Variants in RALGDS observed in about 807,000 individuals in gnomAD.
RALGDS encodes ral guanine nucleotide dissociation stimulator.
In RALGDS, 44 loss-of-function variants were observed where a neutral mutation model predicts 99.8. The ratio of observed to expected loss-of-function variants is 0.44; its 90% CI spans 0.35 to 0.57. The LOEUF (loss-of-function observed/expected upper bound fraction) is 0.57. RALGDS is among the 20% of genes least tolerant of loss of function. The probability of loss-of-function intolerance (pLI) is 0.01; values close to 1 mark genes in which losing one functional copy is unlikely to be tolerated. For missense variants in RALGDS, 1,022 were observed against 1,203.1 expected (o/e 0.85, Z 2.23); for synonymous variants, 529 against 505.0 (o/e 1.05, Z -0.64).
rs1473621060 is a variant in RALGDS, at chr9:133,108,313, G to A, written c.872C>T (p.Pro291Leu). The A allele has an allele frequency of 9.7e-6, 15 of 1,547,470 alleles. No individual in the cohort carries two copies. The highest frequency in any genetic ancestry group is 2.0e-5 in the Admixed American group (1 of 51,144). The change falls in exon 6 of 18, where the codon CCG (proline) becomes CTG (leucine). Residue 291 changes from proline to leucine, a missense_variant. Physicochemically the swap from Pro to Leu is moderately conservative, Grantham distance 98. This residue lies in a region of RALGDS where 825 missense variants were observed against 994.5 expected (regional missense o/e 0.83). Transcript: ENST00000372050. ...RAPSPVPAPA[P>L]EPEPAPTPAP... ...TGGTGTTGGAGCTGGCTCTGGCTCC[G>A]GGGCTGGAGCCGGCACTGGGCTGGG...
At chr9:133,115,816 C>T (rs1157088541) in intron 1 of RALGDS, among the ~76,000 whole-genome samples, 1 of 152,232 alleles carries the variant, frequency 6.6e-6, no homozygotes. Context: ...CCGAGGGACA[C>T]TGTAAAGAGA....
chr9:133,129,578 T>A (rs1832270960), intron 1 of RALGDS, among the ~76,000 whole-genome samples: 1 of 152,120 alleles, frequency 6.6e-6, no homozygotes, highest in African/African-American at 2.4e-5. Context: ...CCCACTCCCA[T>A]TCCCCCTGTG....
At position 133,106,752 on chromosome 9, in the gene RALGDS, G is replaced by A. The variant is rs1831081303; in HGVS notation, c.1414-4C>T. Reference sequence around the variant, plus strand: ...AGTTCTTGAGGATCCGGCACTCCTGGGGCGGGAAGAGCAGGAGGCATGAGG... The same window carrying A: ...AGTTCTTGAGGATCCGGCACTCCTGAGGCGGGAAGAGCAGGAGGCATGAGG... On this transcript the variant is annotated splice_polypyrimidine_tract_variant and splice_region_variant and intron_variant, in intron 7 of 17. Coordinates refer to ENST00000372050, the MANE Select transcript of RALGDS (RefSeq NM_006266.4). 1.2e-6 allele frequency: 2 copies of A among 1,602,844 alleles called. No individual in the cohort carries two copies. Among genetic ancestry groups the A allele is most frequent in the African/African-American group, 1.3e-5 (1 of 74,694 alleles).
upstream of RALGDS, chr9:133,121,242 T>A (rs1401584244): frequency 4.1e-6 from 4 of 980,426 alleles, no homozygotes; most frequent in Middle Eastern, 2.1e-3. Flanking sequence ...GCCACCGCTG[T>A]GAGCCCGCGG....
intron 1 of RALGDS, among the ~76,000 whole-genome samples, chr9:133,143,437 G>T (rs1323866626): frequency 6.6e-6 from 1 of 152,192 alleles, no homozygotes; most frequent in African/African-American, 2.4e-5. Flanking sequence ...GGAGGGCCTT[G>T]TGCGGGTAGG....
At chr9:133,108,496 C>G in intron 5 of RALGDS, 90 bp from the exon 6 acceptor site, 2 of 1,442,376 alleles carry the variant, frequency 1.4e-6, no homozygotes, top group Non-Finnish European at 1.9e-6. Context: ...AGAAGCCTCT[C>G]TCCCCGAACC....
Position 133,110,466 on chromosome 9 carries a change from G to T in RALGDS, c.318C>A (p.Asn106Lys). The T allele has an allele frequency of 6.2e-7, 1 of 1,613,020 alleles. No individual in the cohort carries two copies. The highest frequency in any genetic ancestry group is 8.5e-7 in the Non-Finnish European group (1 of 1,179,720). Residue 106 changes from asparagine to lysine, a missense_variant, in exon 3 of 18, where the codon AAC (asparagine) becomes AAA (lysine). By Grantham distance (94) the Asn-to-Lys change is moderately conservative. This residue lies in a region of RALGDS where 180 missense variants were observed against 169.3 expected (regional missense o/e 1.06). Transcript: ENST00000372050. ...WLGYENESALNLYETCKVRTV... is the reference protein window; with the variant it reads ...WLGYENESALKLYETCKVRTV... ...TCCGCACCTTGCAAGTCTCATAAAGGTTCAGGGCCGACTCATTCTCATACT... is the reference window on the plus strand; with the variant it reads ...TCCGCACCTTGCAAGTCTCATAAAGTTTCAGGGCCGACTCATTCTCATACT...
intron 1 of RALGDS, among the ~76,000 whole-genome samples, chr9:133,140,004 G>A (rs558340554): frequency 6.6e-6 from 1 of 152,126 alleles, no homozygotes; most frequent in African/African-American, 2.4e-5. Context: ...ACTTCCCTGC[G>A]GCTGCTGTTC....
chr9:133,101,164 C>G, intron 16 of RALGDS: 6 of 1,197,542 alleles, frequency 5.0e-6, no homozygotes, highest in Non-Finnish European at 6.3e-6. Flanking sequence ...TACCAGCCCA[C>G]ACCAGACAGA....
intron 2 of RALGDS, 130 bp downstream of exon 2, chr9:133,111,912 C>T: frequency 1.4e-6 from 1 of 734,486 alleles, no homozygotes. Flanking sequence ...TAAGCCTGGG[C>T]TGGACAGTGG....
Position 133,148,876 on chromosome 9 carries a change from C to T in RALGDS, c.18+87G>A, listed in dbSNP as rs926795495. ...CGCACGCTCAGCGTGGACGCGGCGC[C>T]GGGCTCCCTCCCCCCGGTGGGTGTG... On this transcript the variant is annotated intron_variant, in intron 1 of 17. Coordinates refer to the RALGDS transcript ENST00000393160. The T allele has an allele frequency of 6.0e-6, 9 of 1,505,208 alleles. No individual in the cohort carries two copies. In the Admixed American group the frequency reaches 7.9e-5, roughly 13 times the overall value. The allele number at this position is 1,505,208 out of a possible 1,614,324, so 93.2% of individuals were successfully genotyped here.
intron 1 of RALGDS, among the ~76,000 whole-genome samples, chr9:133,117,721 C>T (rs1831682876): frequency 1.3e-5 from 2 of 152,246 alleles, no homozygotes; most frequent in Non-Finnish European, 2.9e-5. Flanking sequence ...GGCTGGAAGT[C>T]CAACCCTGGG....
intron 1 of RALGDS, 28 bp from the exon 2 acceptor site, chr9:133,112,180 C>G (rs985358108): frequency 6.6e-7 from 1 of 1,510,708 alleles, no homozygotes; most frequent in Non-Finnish European, 9.0e-7. Context: ...GGCAGCCGGG[C>G]GCGGGGACGT....
chr9:133,115,735 G>A (rs997741256), intron 1 of RALGDS, among the ~76,000 whole-genome samples: 5 of 152,226 alleles, frequency 3.3e-5, no homozygotes, highest in African/African-American at 4.8e-5. Context: ...CCCTGGGGCC[G>A]GCGACGGATG....
chr9:133,135,633 G>A (rs1256252417), upstream of RALGDS, among the ~76,000 whole-genome samples: 1 of 152,216 alleles, frequency 6.6e-6, no homozygotes, highest in Non-Finnish European at 1.5e-5. Flanking sequence ...ACAGTGTCAG[G>A]AGTCTTGGGC....
chr9:133,104,252 G>A lies in RALGDS; in HGVS notation c.1671+11C>T, dbSNP rs1274990919. 7.4e-6 allele frequency: 12 copies of A among 1,611,902 alleles called. No individual in the cohort carries two copies. The highest frequency in any genetic ancestry group is 1.0e-5 in the Non-Finnish European group (12 of 1,178,224). ...AGCCCCCTGCCCCTCCGCGGCCTTG[G>A]GCACTCTCACCGTCTCCTTCGGCCG... On this transcript the variant is annotated intron_variant, in intron 10 of 17. Transcript: ENST00000372050.
intron 16 of RALGDS, 115 bp downstream of exon 16, chr9:133,101,405 T>C: frequency 1.3e-6 from 2 of 1,579,542 alleles, no homozygotes; most frequent in Non-Finnish European, 1.7e-6. Context: ...GGCTGACATC[T>C]GTCCTTCCCC....
intron 1 of RALGDS, among the ~76,000 whole-genome samples, chr9:133,137,243 A>C (rs528465284): frequency 1.1e-4 from 17 of 152,366 alleles, no homozygotes; most frequent in African/African-American, 3.8e-4. Flanking sequence ...AAAACAAAAC[A>C]ACACAATTCA....
chr9:133,146,911 C>A (rs778146227), intron 1 of RALGDS, among the ~76,000 whole-genome samples: 3 of 152,190 alleles, frequency 2.0e-5, no homozygotes, highest in African/African-American at 7.2e-5. Flanking sequence ...GGCCTGGGGG[C>A]GGGTCCTGCC....
Sources: gnomAD v4.1 joint callset for allele counts (sites outside exome capture counted in the v4.1 genomes callset) on GRCh38, gnomAD v4.1.1 for gene constraint, gnomAD v4.1.1 regional missense constraint, MANE v1.5 for transcripts, NCBI Gene and HGNC (gene_info 2026-07-23, HGNC 2026-07-21) for gene names.